The following EIF2AK4 variants were observed in gnomAD, a reference collection of about 807,000 sequenced individuals.
EIF2AK4 encodes eIF-2-alpha kinase GCN2.
Under a neutral mutation model 211.1 loss-of-function variants are expected in EIF2AK4, and 139 were observed. The observed-to-expected ratio is 0.66, with a 90% CI of 0.57 to 0.76. EIF2AK4 has a LOEUF of 0.76. Among genes scored for constraint, EIF2AK4 ranks in the 30% least tolerant of loss-of-function variants. The pLI, the probability that EIF2AK4 is intolerant of heterozygous loss-of-function variation, is 0.00. For missense variants in EIF2AK4, 1,664 were observed against 2,043.8 expected (o/e 0.81, Z 3.58); for synonymous variants, 710 against 751.3 (o/e 0.94, Z 0.90).
chr15:39,998,974 G>T (rs978159902), intron 20 of EIF2AK4, among the ~76,000 whole-genome samples, 190 bp downstream of exon 20: 3 of 152,010 alleles, frequency 2.0e-5, no homozygotes, highest in African/African-American at 7.2e-5. Flanking sequence ...AATGCCAAGG[G>T]CTGGCACAGA....
Position 40,030,347 on chromosome 15 carries a change from TC to T in EIF2AK4, c.4562-11del, listed in dbSNP as rs768484751. The stretch of plus-strand genomic sequence containing the variant: ...GATAAGGCCATAAATTCTGAAACTC[TC>T]TTGGTCTCAGGTTTGTTTGAAATCC... On this transcript the variant is annotated splice_polypyrimidine_tract_variant and intron_variant, in intron 34 of 38. Coordinates refer to ENST00000263791, the MANE Select transcript of EIF2AK4 (RefSeq NM_001013703.4). 4.3e-4 allele frequency: 686 copies of T among 1,613,260 alleles called. 1 individual carries two copies. The highest frequency in any genetic ancestry group is 2.0e-3 in the Middle Eastern group (12 of 6,082).
At position 40,009,598 on chromosome 15, in the gene EIF2AK4, T is replaced by C. The variant is rs1207140700; in HGVS notation, c.3577-16T>C. On this transcript the variant is annotated splice_polypyrimidine_tract_variant and intron_variant, in intron 25 of 38. Coordinates refer to ENST00000263791, the MANE Select transcript of EIF2AK4 (RefSeq NM_001013703.4). ...TGCTTTTATAATGAAAATAGTAATT[T>C]TTCTCCATATCCCAGGAAAGAAATT... 1.3e-6 allele frequency: 2 copies of C among 1,510,254 alleles called. No homozygotes were observed. The highest frequency in any genetic ancestry group is 1.8e-6 in the Non-Finnish European group (2 of 1,109,340). The allele number at this position is 1,510,254 out of a possible 1,614,324, so 93.6% of individuals were successfully genotyped here.
At chr15:39,959,160 T>C (rs1595548279) in intron 6 of EIF2AK4, among the ~76,000 whole-genome samples, 1 of 152,170 alleles carries the variant, frequency 6.6e-6, no homozygotes, top group South Asian at 2.1e-4. Flanking sequence ...TACTCTAGAA[T>C]AGATCATGAT....
chr15:39,968,264 G>C (rs1198461082), intron 9 of EIF2AK4, among the ~76,000 whole-genome samples: 4 of 152,222 alleles, frequency 2.6e-5, no homozygotes, highest in Non-Finnish European at 5.9e-5. Context: ...TTGGGAGTGA[G>C]ATTCTGCCCC....
intron 11 of EIF2AK4, chr15:39,974,068 A>G (rs547335117): frequency 5.5e-6 from 1 of 181,770 alleles, no homozygotes; most frequent in Non-Finnish European, 1.1e-5. Flanking sequence ...CAGAAAGAAC[A>G]TTGTTCTTTT....
chr15:39,978,168 T>G, intron 13 of EIF2AK4, 21 bp downstream of exon 13: 3 of 1,306,792 alleles, frequency 2.3e-6, no homozygotes, highest in Non-Finnish European at 2.1e-6. Flanking sequence ...GAATAGAAAT[T>G]ATATCATTTT....
At chr15:39,997,217 G>A (rs989798944) in intron 19 of EIF2AK4, 152 bp downstream of exon 19, 1 of 623,418 alleles carries the variant, frequency 1.6e-6, no homozygotes, top group Admixed American at 3.0e-5. Context: ...AGATATGCAA[G>A]ACTAACCAGT....
At position 39,950,341 on chromosome 15, in the gene EIF2AK4, A is replaced by G. The variant is rs542518333; in HGVS notation, c.513+1073A>G. ...CCAGTTGTGGTGTCTTGTGCCTGCA[A>G]TCCCAGGACTTTGGGATGAGGCAGG... On this transcript the variant is annotated intron_variant, in intron 4 of 38. Transcript: ENST00000263791. Among the ~76,000 whole-genome samples the G allele has an allele frequency of 4.6e-5, 7 of 152,292 alleles. No individual in the cohort carries two copies. The South Asian group carries it at 1.5e-3, about 32-fold the overall frequency.
At chr15:40,031,762 G>A (rs973908232) in intron 35 of EIF2AK4, among the ~76,000 whole-genome samples, 11 of 150,508 alleles carry the variant, frequency 7.3e-5, no homozygotes, top group African/African-American at 2.7e-4. Context: ...GTCTCACTCT[G>A]TCACCCAGGC....
intron 32 of EIF2AK4, among the ~76,000 whole-genome samples, chr15:40,022,857 C>T (rs2035411917): frequency 6.6e-6 from 1 of 152,184 alleles, no homozygotes; most frequent in South Asian, 2.1e-4. Context: ...CCTCAGCCTC[C>T]CCGGTAGCTG....
intron 37 of EIF2AK4, 128 bp downstream of exon 37, chr15:40,032,929 A>T (rs1184625380): frequency 1.4e-6 from 1 of 698,472 alleles, no homozygotes; most frequent in Non-Finnish European, 2.3e-6. Flanking sequence ...GAATTTAGTA[A>T]CATTTTTCCT....
intron 34 of EIF2AK4, among the ~76,000 whole-genome samples, 160 bp from the exon 35 acceptor site, chr15:40,030,199 G>T (rs566905591): frequency 6.6e-6 from 1 of 152,074 alleles, no homozygotes; most frequent in Non-Finnish European, 1.5e-5. Flanking sequence ...TCACCTATCC[G>T]GTGCAGATGG....
chr15:40,032,660 G>A, intron 36 of EIF2AK4, 97 bp from the exon 37 acceptor site: 1 of 1,136,236 alleles, frequency 8.8e-7, no homozygotes, highest in Non-Finnish European at 1.3e-6. Flanking sequence ...CTCAGACTCT[G>A]CAAACCCTAT....
rs548091 is a variant in EIF2AK4, at chr15:39,961,522, C to G, written c.744-262C>G. Among the ~76,000 whole-genome samples, 138,905 of 152,132 alleles carry G rather than the reference C, an allele frequency of 0.91. 63,835 individuals are homozygous for G. Among genetic ancestry groups the G allele is most frequent in the Middle Eastern group, 0.97 (285 of 294 alleles). Reference sequence around the variant, plus strand: ...TAGCCACAGCATTGGGCAGCACAGACCTCGAGTTAGGGGTTTGTGGTTTTC... The same window carrying G: ...TAGCCACAGCATTGGGCAGCACAGAGCTCGAGTTAGGGGTTTGTGGTTTTC... On this transcript the variant is annotated intron_variant, in intron 6 of 38. Coordinates refer to ENST00000263791, the MANE Select transcript of EIF2AK4 (RefSeq NM_001013703.4).
chr15:39,984,771 T>A (rs980661762), intron 13 of EIF2AK4, among the ~76,000 whole-genome samples: 2 of 152,232 alleles, frequency 1.3e-5, no homozygotes, highest in Non-Finnish European at 2.9e-5. Flanking sequence ...TGGGGTTTTC[T>A]AAATATACAA....
chr15:40,024,135 T>C (rs2035431161), intron 32 of EIF2AK4, among the ~76,000 whole-genome samples: 1 of 152,214 alleles, frequency 6.6e-6, no homozygotes, highest in Non-Finnish European at 1.5e-5. Context: ...ATATTCCTTA[T>C]CCCTGGTAAT....
At position 40,003,186 on chromosome 15, in the gene EIF2AK4, G is replaced by A; in HGVS notation, c.3236-7G>A. 1 of 1,610,772 alleles carries A rather than the reference G, an allele frequency of 6.2e-7. No individual in the cohort carries two copies. The highest frequency in any genetic ancestry group is 8.5e-7 in the Non-Finnish European group (1 of 1,179,008). Reference sequence around the variant, plus strand: ...GATGATGAGCTATTTTTTCTCATTTGGTGTAGGAGCTGTTCAGTTGTGTAC... The same window carrying A: ...GATGATGAGCTATTTTTTCTCATTTAGTGTAGGAGCTGTTCAGTTGTGTAC... On this transcript the variant is annotated splice_polypyrimidine_tract_variant and splice_region_variant and intron_variant, in intron 22 of 38. Coordinates refer to ENST00000263791, the MANE Select transcript of EIF2AK4 (RefSeq NM_001013703.4).
At chr15:40,022,492 T>A (rs1391416157) in intron 31 of EIF2AK4, 27 bp from the exon 32 acceptor site, 1 of 1,597,536 alleles carries the variant, frequency 6.3e-7, no homozygotes, top group Non-Finnish European at 8.6e-7. Context: ...CTGTGTTTAT[T>A]TTCTTTACTA....
At chr15:39,986,161 G>A (rs1233802107) in intron 14 of EIF2AK4, among the ~76,000 whole-genome samples, 3 of 152,316 alleles carry the variant, frequency 2.0e-5, no homozygotes, top group East Asian at 1.9e-4. Context: ...GCATGAACTC[G>A]GGCAAGGTTC....
Sources: allele counts gnomAD v4.1 joint callset (sites outside exome capture counted in the v4.1 genomes callset), GRCh38; gene constraint gnomAD v4.1.1; transcripts MANE v1.5; gene names NCBI Gene and HGNC (gene_info 2026-07-23, HGNC 2026-07-21).